The following NEBL variants were observed in gnomAD, a reference collection of about 807,000 sequenced individuals.
The protein encoded by NEBL is nebulette.
NEBL carries 122 observed loss-of-function variants against 140.2 expected under a neutral mutation model. The ratio of observed to expected loss-of-function variants is 0.87; its 90% confidence interval spans 0.75 to 1.01. NEBL has a LOEUF of 1.01. Ranked by LOEUF, NEBL falls within the 50% of genes least tolerant of loss-of-function variation. The pLI is 0.00. For missense variants in NEBL, 1,365 were observed against 1,231.3 expected, an observed-to-expected ratio of 1.11 and a Z score of -1.62; for synonymous variants, 436 against 398.9, an observed-to-expected ratio of 1.09 and a Z score of -1.11.
rs2130760889 is a variant in NEBL at position 20,808,582 on chromosome 10, T to C, written c.2689A>G (p.Arg897Gly). The C allele has an allele frequency of 1.9e-6, 3 of 1,613,736 alleles. No homozygotes were observed. Among genetic ancestry groups the C allele is most frequent in the Non-Finnish European group, 1.7e-6 (2 of 1,179,630 alleles). The change falls in exon 26 of 28, where the codon AGG (arginine) becomes GGG (glycine). Residue 897 changes from arginine (R) to glycine (G), a missense_variant. Physicochemically the swap from Arg to Gly is moderately radical, Grantham distance 125. This residue lies in a region of NEBL where 1,323 missense variants were observed against 1,154.8 expected (regional missense o/e 1.15). Transcript: ENST00000377122. The part of the protein sequence containing the change: ...STFGTGLGDD[R>G]SEISEIYPSF... ...GGGTAAATCTCGGAGATTTCTGACCTGTCGTCTCCGAGACCTGTACCGAAA... is the reference window on the plus strand; with the variant it reads ...GGGTAAATCTCGGAGATTTCTGACCCGTCGTCTCCGAGACCTGTACCGAAA...
intron 3 of NEBL, among the ~76,000 whole-genome samples, chr10:21,241,287 A>AATAAAAAT (rs1205641646): frequency 6.9e-6 from 1 of 145,724 alleles, no homozygotes; most frequent in African/African-American, 2.5e-5. Flanking sequence ...TAAATAAATA[A>AATAAAAAT]AAATAAAAAT....
chr10:21,042,932 A>C (rs1008502747), intron 2 of NEBL, among the ~76,000 whole-genome samples: 2 of 152,284 alleles, frequency 1.3e-5, no homozygotes, highest in Non-Finnish European at 2.9e-5. Context: ...TGAACCATTT[A>C]ATTAAGTCCT....
chr10:20,912,669 C>T (rs16921251), intron 4 of NEBL, among the ~76,000 whole-genome samples: 7,156 of 152,080 alleles, frequency 0.047, 312 homozygotes, highest in South Asian at 0.11. Context: ...TTCCTACTTA[C>T]GTTGCACCTA....
At chr10:21,197,193 A>C (rs1410741898) in intron 3 of NEBL, among the ~76,000 whole-genome samples, 1 of 152,248 alleles carries the variant, frequency 6.6e-6, no homozygotes, top group Non-Finnish European at 1.5e-5. Context: ...CTGGCTGTGC[A>C]TCAGAATCCC....
At chr10:21,074,506 G>A (rs1835972080) in intron 2 of NEBL, among the ~76,000 whole-genome samples, 1 of 148,660 alleles carries the variant, frequency 6.7e-6, no homozygotes, top group African/African-American at 2.5e-5. Flanking sequence ...TTGAGTCAGA[G>A]TCTCGCTCTG....
chr10:20,890,354 A>G (rs1846926957), intron 2 of NEBL, among the ~76,000 whole-genome samples: 1 of 152,242 alleles, frequency 6.6e-6, no homozygotes, highest in African/African-American at 2.4e-5. Flanking sequence ...ACCTCAAGGT[A>G]GAAAATAAGT....
At chr10:20,870,480 A>G (rs146420935) in intron 5 of NEBL, among the ~76,000 whole-genome samples, 1 of 152,278 alleles carries the variant, frequency 6.6e-6, no homozygotes, top group African/African-American at 2.4e-5. Flanking sequence ...TCATAAGCAG[A>G]ATATCCTCAT....
chr10:21,046,861 C>A (rs1432213703), intron 2 of NEBL, among the ~76,000 whole-genome samples: 2 of 152,156 alleles, frequency 1.3e-5, no homozygotes, highest in African/African-American at 4.8e-5. Context: ...CTCAGCCTCC[C>A]AGAGTGCTGG....
intron 2 of NEBL, among the ~76,000 whole-genome samples, chr10:21,116,471 A>C (rs535746724): frequency 6.6e-6 from 1 of 152,166 alleles, no homozygotes; most frequent in Non-Finnish European, 1.5e-5. Flanking sequence ...CAAAGTGTCC[A>C]TCTCCAATTA....
At chr10:21,091,563 C>T (rs1319086955) in intron 2 of NEBL, among the ~76,000 whole-genome samples, 1 of 152,164 alleles carries the variant, frequency 6.6e-6, no homozygotes, top group Non-Finnish European at 1.5e-5. Context: ...CAAATTCAGT[C>T]GTTGTTCTTC....
intron 1 of NEBL, among the ~76,000 whole-genome samples, chr10:21,269,917 A>G (rs1842841920): frequency 6.6e-6 from 1 of 152,198 alleles, no homozygotes; most frequent in Non-Finnish European, 1.5e-5. Flanking sequence ...AGCTAGGAAA[A>G]TGGGTCAATG....
chr10:20,942,550 C>T (rs1834929509), intron 4 of NEBL, among the ~76,000 whole-genome samples: 1 of 152,210 alleles, frequency 6.6e-6, no homozygotes, highest in Admixed American at 6.5e-5. Flanking sequence ...ATGTCTAAAA[C>T]ACCAAAAGCA....
chr10:21,073,069 G>T (rs999438190), intron 2 of NEBL, among the ~76,000 whole-genome samples: 6 of 152,240 alleles, frequency 3.9e-5, no homozygotes, highest in Non-Finnish European at 8.8e-5. Context: ...TGGGACAGAG[G>T]ATGGGACAGG....
At chr10:20,990,109 A>AT (rs1837402128) in intron 3 of NEBL, among the ~76,000 whole-genome samples, 1 of 152,152 alleles carries the variant, frequency 6.6e-6, no homozygotes, top group Admixed American at 6.5e-5. Context: ...ATTATGAATT[A>AT]TTTTTTAATA....
intron 3 of NEBL, among the ~76,000 whole-genome samples, chr10:20,963,309 G>C (rs546351863): frequency 6.6e-6 from 1 of 152,154 alleles, no homozygotes; most frequent in South Asian, 2.1e-4. Context: ...AGTTTTGCTG[G>C]TAGTAAGCAC....
intron 4 of NEBL, among the ~76,000 whole-genome samples, chr10:20,943,180 G>T (rs560158966): frequency 1.1e-3 from 166 of 152,288 alleles, no homozygotes; most frequent in African/African-American, 3.7e-3. Flanking sequence ...CAAAGACTTG[G>T]AACCAAGCCA....
intron 2 of NEBL, among the ~76,000 whole-genome samples, chr10:21,150,081 C>T (rs914876761): frequency 3.9e-5 from 6 of 152,162 alleles, no homozygotes; most frequent in African/African-American, 1.4e-4. Context: ...TAAATAAAGG[C>T]TCCCATTGCA....
rs980262886 is a variant in NEBL, at chr10:20,888,272, T to A, written c.259-65A>T. ...CTTCCATTTTTTTAAACTGTGATTA[T>A]AAGTAGAAAAGAAGAAACTTTCTCC... On this transcript the variant is annotated intron_variant, in intron 3 of 27. Coordinates refer to ENST00000377122, the MANE Select transcript of NEBL (RefSeq NM_006393.3). The A allele has an allele frequency of 4.1e-6, 4 of 985,272 alleles. No individual in the cohort carries two copies. The African/African-American group carries it at 5.0e-5, about 12-fold the overall frequency. The allele number at this position is 985,272 out of a possible 1,614,324, so 61.0% of individuals were successfully genotyped here.
chr10:21,264,857 A>G (rs923701382), intron 1 of NEBL, among the ~76,000 whole-genome samples: 8 of 151,826 alleles, frequency 5.3e-5, no homozygotes, highest in Admixed American at 5.2e-4. Context: ...GTTCTTTTTC[A>G]AATATGGTGC....
Sources: allele counts gnomAD v4.1 joint callset (sites outside exome capture counted in the v4.1 genomes callset), GRCh38; gene constraint gnomAD v4.1.1; regional missense constraint gnomAD v4.1.1; transcripts MANE v1.5; gene names NCBI Gene and HGNC (gene_info 2026-07-23, HGNC 2026-07-21).